Variants in PIP5K1B observed in about 807,000 individuals in gnomAD.
PIP5K1B encodes the protein phosphatidylinositol 4-phosphate 5-kinase type-1 beta.
PIP5K1B carries 42 observed loss-of-function variants against 67.0 expected under a neutral mutation model. That is an observed-to-expected ratio of 0.63 (90% CI 0.49 to 0.81). The LOEUF (loss-of-function observed/expected upper bound fraction) is 0.81, where lower values mean the gene tolerates loss of function less well. PIP5K1B is among the 30% of genes least tolerant of loss of function. The pLI is 0.00. For synonymous variants in PIP5K1B, 214 were observed against 231.4 expected, an observed-to-expected ratio of 0.92 and a Z score of 0.68; for missense variants, 459 against 646.3, an observed-to-expected ratio of 0.71 and a Z score of 3.14.
At chr9:68,896,335 A>G (rs554242393) in intron 8 of PIP5K1B, among the ~76,000 whole-genome samples, 27 of 143,912 alleles carry the variant, frequency 1.9e-4, no homozygotes, top group African/African-American at 6.4e-4. Flanking sequence ...CTAATACCAC[A>G]TGCTTCTCTG....
intron 2 of PIP5K1B, among the ~76,000 whole-genome samples, chr9:68,764,948 A>G (rs1054331303): frequency 2.6e-5 from 4 of 152,152 alleles, no homozygotes; most frequent in African/African-American, 7.2e-5. Context: ...ATTTTAAAAA[A>G]AAGTGGAGAA....
At chr9:68,731,447 TG>T (rs2132289560) in intron 1 of PIP5K1B, among the ~76,000 whole-genome samples, 1 of 152,316 alleles carries the variant, frequency 6.6e-6, no homozygotes, top group South Asian at 2.1e-4. Context: ...TAAAGGAATA[TG>T]GGTGGCAGGA....
In PIP5K1B at chr9:68,919,511, G is replaced by A; in HGVS notation, c.1016G>A (p.Gly339Glu). The change falls in exon 10 of 16, where the codon GGA (glycine) becomes GAA (glutamate). Residue 339 changes from glycine to glutamate, a missense_variant. Physicochemically the swap from Gly to Glu is moderately conservative, Grantham distance 98. Coordinates refer to ENST00000265382, the MANE Select transcript of PIP5K1B (RefSeq NM_003558.4). ...GGCATTCCAGCTAAAAGCCATAGGG[G>A]AGAAAAACTACTTTTATTTATGGGC... ...MGGIPAKSHR[G>E]EKLLLFMGII... 1 of 1,600,430 alleles carries A rather than the reference G, an allele frequency of 6.2e-7. No homozygotes were observed. The highest frequency in any genetic ancestry group is 8.5e-7 in the Non-Finnish European group (1 of 1,170,740).
chr9:68,952,106 G>C (rs1195239562), intron 14 of PIP5K1B, among the ~76,000 whole-genome samples: 1 of 152,062 alleles, frequency 6.6e-6, no homozygotes, highest in Non-Finnish European at 1.5e-5. Context: ...TTTTATTATG[G>C]CTTTGTGAAT....
intron 1 of PIP5K1B, among the ~76,000 whole-genome samples, chr9:68,733,751 T>A (rs974591022): frequency 6.7e-6 from 1 of 148,258 alleles, no homozygotes; most frequent in Non-Finnish European, 1.5e-5. Context: ...GCAATTCTCC[T>A]GCGTCAGCCA....
At chr9:68,985,354 C>A (rs750049537) in intron 14 of PIP5K1B, among the ~76,000 whole-genome samples, 7 of 151,882 alleles carry the variant, frequency 4.6e-5, no homozygotes, top group African/African-American at 1.2e-4. Context: ...CGGATTCAAG[C>A]AATTCTCCTG....
intron 6 of PIP5K1B, among the ~76,000 whole-genome samples, chr9:68,886,489 G>A (rs1426217250): frequency 6.6e-6 from 1 of 152,206 alleles, no homozygotes; most frequent in African/African-American, 2.4e-5. Context: ...CCAAGGCACA[G>A]GTCCTGGAAC....
chr9:69,008,859 GGTAAATTAA>G lies in PIP5K1B; in HGVS notation c.*414_*422del, dbSNP rs1363648181. 1 of 160,818 alleles carries G rather than the reference GGTAAATTAA, an allele frequency of 6.2e-6. No individual in the cohort carries two copies. Among genetic ancestry groups the G allele is most frequent in the Non-Finnish European group, 1.4e-5 (1 of 72,790 alleles). 10.0% of individuals were successfully genotyped at this position (160,818 alleles called of 1,614,324 possible). The stretch of plus-strand genomic sequence containing the variant: ...TTTTTAAAAATCCATCCACACACAT[GGTAAATTAA>G]GTATAAATTCTTTTGCAAAATTATA... On this transcript the variant is annotated 3_prime_UTR_variant, in exon 16 of 16. Transcript: ENST00000265382.
chr9:68,990,777 C>CTT (rs1830326897), intron 14 of PIP5K1B, among the ~76,000 whole-genome samples: 2 of 151,868 alleles, frequency 1.3e-5, no homozygotes, highest in Non-Finnish European at 2.9e-5. Context: ...GATTCTTCTG[C>CTT]CTCAGCCTCC....
chr9:68,899,978 C>G (rs1045146938), intron 8 of PIP5K1B, among the ~76,000 whole-genome samples: 1 of 152,130 alleles, frequency 6.6e-6, no homozygotes. Context: ...TTCACATGTG[C>G]TCAATGTGCA....
At position 68,863,925 on chromosome 9, in the gene PIP5K1B, T is replaced by G. The variant is rs780026998; in HGVS notation, c.158T>G (p.Leu53Arg). ...ACTTCCAAGCCAGAACGAGATGTTC[T>G]TATGCAAGACTTTTATGTGGTGGAA... ...NLTSKPERDV[L>R]MQDFYVVESV... Residue 53 changes from leucine to arginine, a missense_variant, in exon 5 of 16, where the codon CTT becomes CGT. Coordinates refer to ENST00000265382, the MANE Select transcript of PIP5K1B (RefSeq NM_003558.4). 1.2e-6 allele frequency: 2 copies of G among 1,613,850 alleles called. No individual in the cohort carries two copies.
At chr9:68,914,736 A>G (rs1826018121) in intron 8 of PIP5K1B, among the ~76,000 whole-genome samples, 1 of 152,044 alleles carries the variant, frequency 6.6e-6, no homozygotes, top group African/African-American at 2.4e-5. Context: ...TAAACAAATA[A>G]ATAAATAAAT....
chr9:68,945,883 T>A (rs1424965931), intron 14 of PIP5K1B, among the ~76,000 whole-genome samples: 1 of 152,244 alleles, frequency 6.6e-6, no homozygotes, highest in South Asian at 2.1e-4. Context: ...CGTCTTCATC[T>A]TTTTGCCTTT....
intron 2 of PIP5K1B, among the ~76,000 whole-genome samples, chr9:68,772,129 C>G (rs966287635): frequency 1.3e-5 from 2 of 152,168 alleles, no homozygotes; most frequent in African/African-American, 2.4e-5. Context: ...AAAAATTTCC[C>G]TAAGGCATGT....
At chr9:68,848,358 T>C (rs540341453) in intron 4 of PIP5K1B, among the ~76,000 whole-genome samples, 1 of 152,316 alleles carries the variant, frequency 6.6e-6, no homozygotes, top group Admixed American at 6.5e-5. Flanking sequence ...AGTGTAAGAC[T>C]TTAAAAGACA....
chr9:68,990,373 A>G (rs1220513200), intron 14 of PIP5K1B, among the ~76,000 whole-genome samples: 1 of 152,108 alleles, frequency 6.6e-6, no homozygotes, highest in African/African-American at 2.4e-5. Context: ...TAAGTTTGAG[A>G]ACCACTGATG....
chr9:68,724,511 G>T (rs535359938), intron 1 of PIP5K1B, among the ~76,000 whole-genome samples: 40 of 152,158 alleles, frequency 2.6e-4, no homozygotes, highest in African/African-American at 9.4e-4. Context: ...TTGATATACA[G>T]ATTTAATTGT....
rs1207673865 is a variant in PIP5K1B at position 68,722,626 on chromosome 9, T to C, written c.-243+16864T>C. Among the ~76,000 whole-genome samples, 3 of 150,822 alleles carry C rather than the reference T, an allele frequency of 2.0e-5. No homozygotes were observed. In the East Asian group the frequency reaches 5.8e-4, roughly 29 times the overall value. On this transcript the variant is annotated intron_variant, in intron 1 of 15. Coordinates refer to ENST00000265382, the MANE Select transcript of PIP5K1B (RefSeq NM_003558.4). ...GTTGTTATTTTTATTTCATTTATTA[T>C]AATTATTAATTAATTTTATTTATTA...
chr9:68,749,110 C>T (rs1424759829), intron 2 of PIP5K1B, among the ~76,000 whole-genome samples: 1 of 152,200 alleles, frequency 6.6e-6, no homozygotes, highest in Non-Finnish European at 1.5e-5. Flanking sequence ...AAGATATCCA[C>T]ATCCTAATTC....
Sources: gnomAD v4.1 joint callset for allele counts (sites outside exome capture counted in the v4.1 genomes callset) on GRCh38, gnomAD v4.1.1 for gene constraint, MANE v1.5 for transcripts, NCBI Gene and HGNC (gene_info 2026-07-23, HGNC 2026-07-21) for gene names.